The following SORBS2 variants were observed in gnomAD, a reference collection of about 807,000 sequenced individuals.
SORBS2 encodes the protein sorbin and SH3 domain-containing protein 2.
Under a neutral mutation model 97.7 loss-of-function variants are expected in SORBS2, and 46 were observed. The observed-to-expected ratio is 0.47, with a 90% confidence interval of 0.37 to 0.60. The LOEUF (loss-of-function observed/expected upper bound fraction) is 0.60, where lower values mean the gene tolerates loss of function less well. SORBS2 is among the 20% of genes least tolerant of loss of function. The pLI is 0.00. For synonymous variants in SORBS2, 476 were observed against 473.4 expected, an observed-to-expected ratio of 1.01 and a Z score of -0.07; for missense variants, 1,316 against 1,282.3, an observed-to-expected ratio of 1.03 and a Z score of -0.40.
At chr4:185,677,550 G>C (rs1190082506) in intron 4 of SORBS2, 3 of 1,548,204 alleles carry the variant, frequency 1.9e-6, no homozygotes, top group Non-Finnish European at 2.6e-6. Flanking sequence ...TTGTGTGTTA[G>C]TTACTAACTG....
intron 1 of SORBS2, among the ~76,000 whole-genome samples, chr4:185,839,242 A>G (rs2099210069): frequency 6.6e-6 from 1 of 152,254 alleles, no homozygotes; most frequent in African/African-American, 2.4e-5. Context: ...CTTGGATACA[A>G]GCCTCTGACT....
intron 1 of SORBS2, among the ~76,000 whole-genome samples, chr4:185,813,404 C>T (rs1380621725): frequency 6.6e-6 from 1 of 152,186 alleles, no homozygotes; most frequent in Admixed American, 6.5e-5. Context: ...GTCTGAGCCA[C>T]CCAGGGTCAG....
At chr4:185,842,510 G>A (rs2099212164) in intron 1 of SORBS2, among the ~76,000 whole-genome samples, 1 of 152,136 alleles carries the variant, frequency 6.6e-6, no homozygotes, top group Non-Finnish European at 1.5e-5. Flanking sequence ...CCCCATGAAA[G>A]TTATATCGTA....
chr4:185,891,827 G>A (rs1351211691), intron 1 of SORBS2, among the ~76,000 whole-genome samples: 1 of 152,116 alleles, frequency 6.6e-6, no homozygotes. Context: ...CCCATCAGGT[G>A]GTTACAATAA....
At chr4:185,741,054 C>T (rs778839813) in intron 2 of SORBS2, among the ~76,000 whole-genome samples, 1 of 152,092 alleles carries the variant, frequency 6.6e-6, no homozygotes, top group Non-Finnish European at 1.5e-5. Flanking sequence ...GCCTAGCATG[C>T]ACTGATTCTC....
At chr4:185,878,263 G>C (rs950250934) in intron 1 of SORBS2, among the ~76,000 whole-genome samples, 4 of 152,146 alleles carry the variant, frequency 2.6e-5, no homozygotes, top group African/African-American at 4.8e-5. Context: ...TTAAGTAAGA[G>C]TGGAAACGTG....
chr4:185,711,871 C>T (rs79589688), intron 2 of SORBS2, among the ~76,000 whole-genome samples: 1,779 of 152,270 alleles, frequency 0.012, 41 homozygotes, highest in African/African-American at 0.041. Context: ...CCACACTCAG[C>T]TGACCGTGCT....
rs562829787 is a variant in SORBS2, at chr4:185,829,832, T to C, written c.-337-54466A>G. ...GCCATCTGCTCTATACAACCCATGG[T>C]TGCTAATTTCTCTACCCAACTTCTT... On this transcript the variant is annotated intron_variant, in intron 1 of 20. Coordinates refer to the SORBS2 transcript ENST00000284776. Among the ~76,000 whole-genome samples the C allele has an allele frequency of 7.4e-4, 113 of 152,308 alleles. 1 individual carries two copies. The highest frequency in any genetic ancestry group is 5.2e-3 in the South Asian group (25 of 4,832).
intron 1 of SORBS2, among the ~76,000 whole-genome samples, chr4:185,656,263 T>TA (rs2097398881): frequency 6.6e-6 from 1 of 152,226 alleles, no homozygotes; most frequent in African/African-American, 2.4e-5. Context: ...GTAACTGCTG[T>TA]ACAGATTTAC....
chr4:185,661,822 C>A (rs2097526872), upstream of SORBS2, among the ~76,000 whole-genome samples: 2 of 152,200 alleles, frequency 1.3e-5, no homozygotes, highest in Admixed American at 6.5e-5. Flanking sequence ...TCCAGTGGCA[C>A]AAACCCCCTT....
At chr4:185,944,905 T>A (rs201469055) in intron 1 of SORBS2, among the ~76,000 whole-genome samples, 4 of 82,168 alleles carry the variant, frequency 4.9e-5, no homozygotes, top group Non-Finnish European at 9.4e-5. Context: ...CAAACCCTGT[T>A]ACAAAACCAC....
chr4:185,595,193 G>A (rs1370415396), intron 12 of SORBS2, among the ~76,000 whole-genome samples: 1 of 152,082 alleles, frequency 6.6e-6, no homozygotes, highest in Non-Finnish European at 1.5e-5. Context: ...TGTAAGCTCT[G>A]ACTCGGTTAA....
intron 1 of SORBS2, among the ~76,000 whole-genome samples, chr4:185,943,283 AT>A (rs1368024864): frequency 3.9e-5 from 6 of 152,210 alleles, no homozygotes; most frequent in Non-Finnish European, 8.8e-5. Flanking sequence ...CACCCCTCAG[AT>A]TACCTAATGA....
intron 1 of SORBS2, among the ~76,000 whole-genome samples, chr4:185,857,545 T>A (rs1006813959): frequency 6.6e-6 from 1 of 152,206 alleles, no homozygotes; most frequent in Non-Finnish European, 1.5e-5. Context: ...AACAGTGATT[T>A]TCAGGGAACA....
chr4:185,750,978 T>C (rs1198028219), intron 2 of SORBS2, among the ~76,000 whole-genome samples: 2 of 151,678 alleles, frequency 1.3e-5, no homozygotes, highest in Non-Finnish European at 2.9e-5. Context: ...TAAGGCACTT[T>C]AGCGATCCAA....
intron 2 of SORBS2, among the ~76,000 whole-genome samples, chr4:185,752,307 G>A (rs867668624): frequency 1.6e-4 from 25 of 151,896 alleles, no homozygotes; most frequent in South Asian, 8.3e-4. Context: ...ACAGAGTCTC[G>A]CTCTGTCGCC....
chr4:185,747,606 A>C (rs2098770742), intron 2 of SORBS2, among the ~76,000 whole-genome samples: 1 of 152,140 alleles, frequency 6.6e-6, no homozygotes, highest in Admixed American at 6.5e-5. Context: ...GCTGCTCCCC[A>C]CTGTGGCCCT....
intron 4 of SORBS2, among the ~76,000 whole-genome samples, chr4:185,642,791 C>T (rs1238058777): frequency 6.6e-6 from 1 of 152,196 alleles, no homozygotes; most frequent in Admixed American, 6.5e-5. Flanking sequence ...TACCCCCCTG[C>T]CTTCTCTGTA....
chr4:185,815,169 T>A (rs957844147), intron 1 of SORBS2, among the ~76,000 whole-genome samples: 4 of 152,226 alleles, frequency 2.6e-5, no homozygotes, highest in African/African-American at 7.2e-5. Context: ...AATGGCCCAT[T>A]ATTGTTTGAA....
Sources: allele counts gnomAD v4.1 joint callset (sites outside exome capture counted in the v4.1 genomes callset), GRCh38; gene constraint gnomAD v4.1.1; transcripts MANE v1.5; gene names NCBI Gene and HGNC (gene_info 2026-07-23, HGNC 2026-07-21).